Variants in GDPD1 observed in about 807,000 individuals in gnomAD.
GDPD1 encodes lysophospholipase D GDPD1.
In GDPD1, 28 loss-of-function variants were observed where a neutral mutation model predicts 45.1. The ratio of observed to expected loss-of-function variants is 0.62; its 90% CI spans 0.46 to 0.85. The LOEUF is 0.85. Among genes scored for constraint, GDPD1 ranks in the 40% least tolerant of loss-of-function variants. The pLI is 0.00. For synonymous variants in GDPD1, 139 were observed against 131.4 expected (o/e 1.06, Z -0.40); for missense variants, 256 against 364.8 (o/e 0.70, Z 2.43).
intron 4 of GDPD1, among the ~76,000 whole-genome samples, chr17:59,255,387 G>A (rs2047288195): frequency 6.6e-6 from 1 of 150,532 alleles, no homozygotes; most frequent in Non-Finnish European, 1.5e-5. Flanking sequence ...GTTTGCTTGA[G>A]ATCAGAAGTT....
chr17:59,262,608 A>G (rs942850558), intron 6 of GDPD1, among the ~76,000 whole-genome samples: 14 of 150,814 alleles, frequency 9.3e-5, no homozygotes, highest in African/African-American at 3.4e-4. Context: ...TAGTGATGAA[A>G]CGGCTTTGTA....
chr17:59,272,742 T>C (rs1597996441), intron 8 of GDPD1, 43 bp from the exon 9 acceptor site: 1 of 1,145,758 alleles, frequency 8.7e-7, no homozygotes, highest in African/African-American at 1.5e-5. Context: ...AAATTAGGAC[T>C]AAGGACTAAA....
At chr17:59,260,816 C>T (rs1196616522) in intron 6 of GDPD1, 1 of 152,118 alleles carries the variant, frequency 6.6e-6, no homozygotes, top group Non-Finnish European at 1.5e-5. Flanking sequence ...TTTATTTCTC[C>T]ACTCCCACTG....
At chr17:59,266,846 A>G (rs2047403043) in intron 6 of GDPD1, among the ~76,000 whole-genome samples, 195 bp from the exon 7 acceptor site, 1 of 152,206 alleles carries the variant, frequency 6.6e-6, no homozygotes, top group African/African-American at 2.4e-5. Context: ...TGAGGCTCCA[A>G]GATCAATCCT....
chr17:59,248,204 T>A (rs1382965417), intron 3 of GDPD1, among the ~76,000 whole-genome samples: 2 of 151,754 alleles, frequency 1.3e-5, no homozygotes, highest in Non-Finnish European at 2.9e-5. Context: ...GATGGATCCT[T>A]CTGAGGATCC....
rs181746510 is a variant in GDPD1, at chr17:59,266,465, C to A, written c.577-576C>A. Among the ~76,000 whole-genome samples the A allele has an allele frequency of 3.8e-3, 573 of 150,560 alleles. 2 individuals carry two copies. The highest frequency in any genetic ancestry group is 6.9e-3 in the Middle Eastern group (2 of 288). ...ATTAAAATTATATATATATGTATGT[C>A]TATCTTGTATTTTTAAAGTTTTGGG... On this transcript the variant is annotated intron_variant, in intron 6 of 9. Coordinates refer to ENST00000284116, the MANE Select transcript of GDPD1 (RefSeq NM_182569.4).
intron 1 of GDPD1, among the ~76,000 whole-genome samples, chr17:59,224,575 AGATC>A (rs1438612686): frequency 1.3e-5 from 2 of 150,326 alleles, no homozygotes; most frequent in African/African-American, 4.9e-5. Context: ...CAGTGAGCCG[AGATC>A]GCGCCACTGC....
intron 6 of GDPD1, among the ~76,000 whole-genome samples, chr17:59,258,852 T>A (rs539639310): frequency 6.6e-6 from 1 of 152,314 alleles, no homozygotes; most frequent in South Asian, 2.1e-4. Flanking sequence ...CTGGGCATGA[T>A]GACTCATGCC....
intron 1 of GDPD1, among the ~76,000 whole-genome samples, chr17:59,223,164 C>A (rs559983977): frequency 6.6e-6 from 1 of 152,276 alleles, no homozygotes; most frequent in Non-Finnish European, 1.5e-5. Context: ...AAACTATTTT[C>A]TTCCTAGATA....
At chr17:59,248,858 C>A in intron 4 of GDPD1, 73 bp downstream of exon 4, 1 of 1,137,290 alleles carries the variant, frequency 8.8e-7, no homozygotes, top group South Asian at 1.4e-5. Context: ...ATAGTAAGTT[C>A]TTACTAAAAG....
intron 4 of GDPD1, among the ~76,000 whole-genome samples, chr17:59,251,289 C>G (rs1429980870): frequency 6.6e-6 from 1 of 151,836 alleles, no homozygotes; most frequent in African/African-American, 2.4e-5. Flanking sequence ...GAGGCCGAGA[C>G]AGGTGGATCA....
intron 4 of GDPD1, among the ~76,000 whole-genome samples, chr17:59,252,291 T>C (rs1250398799): frequency 1.3e-5 from 2 of 151,858 alleles, no homozygotes; most frequent in Non-Finnish European, 2.9e-5. Context: ...GCTTCTGTTG[T>C]CCAGTGGCAC....
chr17:59,236,267 T>A (rs112200952), intron 2 of GDPD1, among the ~76,000 whole-genome samples: 1 of 152,244 alleles, frequency 6.6e-6, no homozygotes. Flanking sequence ...ATTTTTCTGA[T>A]ATTTAAAGGA....
At chr17:59,240,030 T>C (rs1157562478) in intron 2 of GDPD1, among the ~76,000 whole-genome samples, 4 of 152,064 alleles carry the variant, frequency 2.6e-5, no homozygotes, top group Non-Finnish European at 4.4e-5. Context: ...CAGTGCCTCA[T>C]GCCTGTAATC....
At chr17:59,246,730 AAAG>A (rs1489564811) in intron 3 of GDPD1, among the ~76,000 whole-genome samples, 1 of 150,176 alleles carries the variant, frequency 6.7e-6, no homozygotes, top group Non-Finnish European at 1.5e-5. Context: ...AAAAAAAAAA[AAAG>A]AAACATTATA....
chr17:59,268,386 C>T (rs1479100761), intron 7 of GDPD1, among the ~76,000 whole-genome samples: 1 of 151,426 alleles, frequency 6.6e-6, no homozygotes, highest in Non-Finnish European at 1.5e-5. Context: ...ACCATCCTGG[C>T]TAACACGGTG....
At chr17:59,229,192 C>A (rs1441393315) in intron 1 of GDPD1, among the ~76,000 whole-genome samples, 1 of 148,868 alleles carries the variant, frequency 6.7e-6, no homozygotes, top group African/African-American at 2.5e-5. Context: ...CTCGCTCTGT[C>A]GCCCAGGCTG....
At chr17:59,228,751 T>C (rs2047066327) in intron 1 of GDPD1, among the ~76,000 whole-genome samples, 1 of 151,706 alleles carries the variant, frequency 6.6e-6, no homozygotes. Context: ...CATGGTGGCA[T>C]GTGCCTGTAG....
At chr17:59,257,959 C>A in intron 6 of GDPD1, 119 bp downstream of exon 6, 1 of 533,158 alleles carries the variant, frequency 1.9e-6, no homozygotes, top group Non-Finnish European at 3.1e-6. Context: ...TAGGGTCTCA[C>A]CCTGTCACCC....
Sources: allele counts gnomAD v4.1 joint callset (sites outside exome capture counted in the v4.1 genomes callset), GRCh38; gene constraint gnomAD v4.1.1; transcripts MANE v1.5; gene names NCBI Gene and HGNC (gene_info 2026-07-23, HGNC 2026-07-21).